TNNI3K: variants seen among roughly 807,000 people sequenced by gnomAD.
TNNI3K encodes the protein TNNI3 interacting kinase, also known as serine/threonine-protein kinase TNNI3K.
Under a neutral mutation model 114.5 loss-of-function variants are expected in TNNI3K, and 140 were observed. The ratio of observed to expected loss-of-function variants is 1.22; its 90% confidence interval spans 1.07 to 1.41. TNNI3K has a LOEUF of 1.41. Ranked by LOEUF, TNNI3K falls within the 40% of genes most tolerant of loss-of-function variation. The probability of loss-of-function intolerance (pLI) is 0.00; values close to 1 mark genes in which losing one functional copy is unlikely to be tolerated. For missense variants in TNNI3K, 1,125 were observed against 1,007.6 expected (o/e 1.12, Z -1.58); for synonymous variants, 347 against 347.5 (o/e 1.00, Z 0.02).
At chr1:74,405,677 G>GA (rs1248173526) in intron 17 of TNNI3K, among the ~76,000 whole-genome samples, 7 of 152,000 alleles carry the variant, frequency 4.6e-5, no homozygotes, top group Non-Finnish European at 1.0e-4. Context: ...TTAGATGGGG[G>GA]AAAAAATGAG....
chr1:74,239,860 G>A (rs1654077137), intron 2 of TNNI3K: 5 of 446,648 alleles, frequency 1.1e-5, no homozygotes, highest in Admixed American at 1.0e-4. Context: ...TTTGGAATGG[G>A]AGCTTGATGT....
intron 9 of TNNI3K, among the ~76,000 whole-genome samples, chr1:74,351,990 G>T (rs1202892696): frequency 6.6e-6 from 1 of 152,156 alleles, no homozygotes; most frequent in African/African-American, 2.4e-5. Context: ...TTTCCGTCCA[G>T]CTTTGTTCCA....
chr1:74,312,256 T>C (rs1268272230), intron 5 of TNNI3K, among the ~76,000 whole-genome samples: 7 of 152,206 alleles, frequency 4.6e-5, no homozygotes, highest in Admixed American at 3.9e-4. Flanking sequence ...GTCTCATTTG[T>C]TAAAAGCAGT....
intron 20 of TNNI3K, among the ~76,000 whole-genome samples, chr1:74,445,529 G>A (rs1666604583): frequency 6.7e-6 from 1 of 149,372 alleles, no homozygotes; most frequent in Non-Finnish European, 1.5e-5. Context: ...TTTCATCCAT[G>A]TCCCTACAAA....
intron 5 of TNNI3K, among the ~76,000 whole-genome samples, chr1:74,303,716 C>T (rs1388140368): frequency 6.6e-6 from 1 of 152,116 alleles, no homozygotes; most frequent in Non-Finnish European, 1.5e-5. Flanking sequence ...TTATAGCTGC[C>T]ATAGATAGTG....
chr1:74,413,832 A>G (rs1218539504), intron 17 of TNNI3K, among the ~76,000 whole-genome samples: 1 of 152,208 alleles, frequency 6.6e-6, no homozygotes, highest in Non-Finnish European at 1.5e-5. Context: ...AGAACAATAC[A>G]TAGATTTCAG....
chr1:74,311,237 A>T (rs1290824940), intron 5 of TNNI3K, among the ~76,000 whole-genome samples: 1 of 152,148 alleles, frequency 6.6e-6, no homozygotes, highest in Non-Finnish European at 1.5e-5. Flanking sequence ...CTTCTTTCAG[A>T]AATGTGAGCA....
At chr1:74,494,726 G>A (rs1669242763) in intron 23 of TNNI3K, among the ~76,000 whole-genome samples, 1 of 152,178 alleles carries the variant, frequency 6.6e-6, no homozygotes, top group African/African-American at 2.4e-5. Flanking sequence ...CCATGTACTA[G>A]CTCAATGACC....
intron 17 of TNNI3K, among the ~76,000 whole-genome samples, chr1:74,384,326 A>G (rs577046919): frequency 6.6e-6 from 1 of 152,292 alleles, no homozygotes; most frequent in Non-Finnish European, 1.5e-5. Flanking sequence ...ATAAAAAACA[A>G]TGAGAAAGGG....
chr1:74,286,702 C>A (rs372541076), intron 5 of TNNI3K, among the ~76,000 whole-genome samples: 1 of 151,546 alleles, frequency 6.6e-6, no homozygotes, highest in East Asian at 1.9e-4. Context: ...CCACTGCAAA[C>A]CCCAATGGAT....
At chr1:74,261,701 T>C (rs1003272154) in intron 4 of TNNI3K, among the ~76,000 whole-genome samples, 1 of 152,144 alleles carries the variant, frequency 6.6e-6, no homozygotes. Flanking sequence ...TCTCATTCAA[T>C]ACACAGACAA....
intron 17 of TNNI3K, among the ~76,000 whole-genome samples, chr1:74,386,379 G>A (rs1242538148): frequency 6.6e-6 from 1 of 151,878 alleles, no homozygotes; most frequent in East Asian, 1.9e-4. Flanking sequence ...AGAGTAATGT[G>A]TTACTAGATA....
chr1:74,358,928 TGCA>T (rs1661805006), intron 11 of TNNI3K, among the ~76,000 whole-genome samples: 1 of 151,970 alleles, frequency 6.6e-6, no homozygotes, highest in Non-Finnish European at 1.5e-5. Context: ...CTTTTACAGA[TGCA>T]TATATATGTA....
chr1:74,491,344 C>A (rs1162617932), intron 22 of TNNI3K, among the ~76,000 whole-genome samples: 2 of 152,150 alleles, frequency 1.3e-5, no homozygotes, highest in Non-Finnish European at 2.9e-5. Context: ...CTCAGCCTCC[C>A]CAGTAGCTGG....
At chr1:74,286,650 C>T (rs35994494) in intron 5 of TNNI3K, among the ~76,000 whole-genome samples, 5 of 151,272 alleles carry the variant, frequency 3.3e-5, no homozygotes. Context: ...ACCCACTGAC[C>T]TAGGCAGCAG....
intron 5 of TNNI3K, among the ~76,000 whole-genome samples, chr1:74,314,411 CTTTG>C (rs931785472): frequency 2.6e-5 from 4 of 151,736 alleles, no homozygotes; most frequent in African/African-American, 4.8e-5. Flanking sequence ...AAGTCGCTTT[CTTTG>C]TTTGTATCTA....
At chr1:74,457,255 A>G (rs548955066) in intron 20 of TNNI3K, among the ~76,000 whole-genome samples, 2 of 152,220 alleles carry the variant, frequency 1.3e-5, no homozygotes, top group Non-Finnish European at 2.9e-5. Context: ...TTCTATGAAT[A>G]TAGCTGATAT....
chr1:74,326,741 A>C (rs1241497331), intron 5 of TNNI3K, among the ~76,000 whole-genome samples: 3 of 152,196 alleles, frequency 2.0e-5, no homozygotes, highest in Non-Finnish European at 4.4e-5. Context: ...CATGGAGAAC[A>C]TGAGAACTGA....
Position 74,452,134 on chromosome 1 carries a change from A to G in TNNI3K, c.2012-11307A>G, listed in dbSNP as rs45537031. ...ATTCTGTACCTCTCACATTACTAAC[A>G]TCAGTTCACTTTCTGCACTCTCAGT... On this transcript the variant is annotated intron_variant, in intron 20 of 24. Coordinates refer to ENST00000326637, the MANE Select transcript of TNNI3K (RefSeq NM_015978.3). Among the ~76,000 whole-genome samples, 1,035 of 152,194 alleles carry G rather than the reference A, an allele frequency of 6.8e-3. 14 individuals are homozygous for G. Among genetic ancestry groups the G allele is most frequent in the African/African-American group, 0.023 (969 of 41,528 alleles).
Sources: gnomAD v4.1 joint callset for allele counts (sites outside exome capture counted in the v4.1 genomes callset) on GRCh38, gnomAD v4.1.1 for gene constraint, MANE v1.5 for transcripts, NCBI Gene and HGNC (gene_info 2026-07-23, HGNC 2026-07-21) for gene names.